SPAG16: variants seen among roughly 807,000 people sequenced by gnomAD.
SPAG16 encodes sperm-associated antigen 16 protein.
In SPAG16, 86 loss-of-function variants were observed where a neutral mutation model predicts 80.4. That is an observed-to-expected ratio of 1.07 (90% confidence interval 0.90 to 1.28). The LOEUF (loss-of-function observed/expected upper bound fraction) is 1.28, where lower values mean the gene tolerates loss of function less well. Among genes scored for constraint, SPAG16 ranks in the 50% most tolerant of loss-of-function variants. SPAG16 has a pLI of 0.00. For missense variants in SPAG16, 870 were observed against 765.3 expected (o/e 1.14, Z -1.61); for synonymous variants, 294 against 265.9 (o/e 1.11, Z -1.03).
At chr2:214,153,195 C>G (rs1392178293) in intron 15 of SPAG16, among the ~76,000 whole-genome samples, 1 of 152,036 alleles carries the variant, frequency 6.6e-6, no homozygotes. Context: ...GGTGTCTTCC[C>G]AGACGCTGGC....
At chr2:214,291,507 G>A (rs967964616) in intron 15 of SPAG16, among the ~76,000 whole-genome samples, 12 of 150,984 alleles carry the variant, frequency 7.9e-5, no homozygotes, top group Non-Finnish European at 1.3e-4. Flanking sequence ...GGGTTTCACC[G>A]TTTTAGCCGG....
chr2:214,295,625 T>G (rs534925038), intron 15 of SPAG16, among the ~76,000 whole-genome samples: 7 of 152,198 alleles, frequency 4.6e-5, no homozygotes, highest in Non-Finnish European at 1.0e-4. Flanking sequence ...ACCCCATCTC[T>G]ACTGAAAATG....
intron 10 of SPAG16, among the ~76,000 whole-genome samples, chr2:213,603,552 A>T (rs1230493386): frequency 2.0e-5 from 3 of 152,224 alleles, no homozygotes; most frequent in East Asian, 3.8e-4. Flanking sequence ...ACTAAAAGAG[A>T]TTTAAAACTT....
chr2:213,468,571 ATC>A (rs2072879205), intron 9 of SPAG16, among the ~76,000 whole-genome samples: 1 of 143,662 alleles, frequency 7.0e-6, no homozygotes, highest in Non-Finnish European at 1.5e-5. Context: ...AGATATATAT[ATC>A]TATGTATTTA....
At chr2:213,908,476 C>T (rs1307266629) in intron 11 of SPAG16, among the ~76,000 whole-genome samples, 2 of 152,180 alleles carry the variant, frequency 1.3e-5, no homozygotes, top group Non-Finnish European at 2.9e-5. Context: ...TTCTCTATTT[C>T]TTTCTTGGGT....
At chr2:214,046,726 A>G (rs1387456254) in intron 13 of SPAG16, among the ~76,000 whole-genome samples, 1 of 152,186 alleles carries the variant, frequency 6.6e-6, no homozygotes, top group Non-Finnish European at 1.5e-5. Context: ...AAATATCCAA[A>G]TTGGAAAGGA....
chr2:214,027,881 T>G (rs1359305097), intron 13 of SPAG16, among the ~76,000 whole-genome samples: 1 of 151,978 alleles, frequency 6.6e-6, no homozygotes, highest in African/African-American at 2.4e-5. Flanking sequence ...ACATTTTTTC[T>G]GTTTGTCTTG....
intron 10 of SPAG16, among the ~76,000 whole-genome samples, chr2:213,693,885 C>G (rs185250464): frequency 6.6e-6 from 1 of 152,230 alleles, no homozygotes; most frequent in East Asian, 1.9e-4. Context: ...AGGAAGCAGT[C>G]ACTACTTAGC....
intron 11 of SPAG16, 133 bp from the exon 12 acceptor site, chr2:213,929,827 C>T: frequency 1.4e-6 from 1 of 701,434 alleles, no homozygotes; most frequent in African/African-American, 1.8e-5. Flanking sequence ...AATATTTAGT[C>T]ATTTAGATAT....
chr2:214,399,184 ATAC>A (rs1701572002), intron 15 of SPAG16, among the ~76,000 whole-genome samples: 1 of 152,166 alleles, frequency 6.6e-6, no homozygotes, highest in Non-Finnish European at 1.5e-5. Flanking sequence ...ATTATACTAC[ATAC>A]TACATTTAAA....
At chr2:214,343,093 A>G (rs1576830786) in intron 15 of SPAG16, among the ~76,000 whole-genome samples, 1 of 152,350 alleles carries the variant, frequency 6.6e-6, no homozygotes, top group South Asian at 2.1e-4. Context: ...AGATACTGCC[A>G]AAAATGCCAT....
chr2:213,508,528 C>T (rs910392985), intron 10 of SPAG16, among the ~76,000 whole-genome samples: 11 of 152,130 alleles, frequency 7.2e-5, no homozygotes, highest in Admixed American at 3.9e-4. Flanking sequence ...GCCGAGATTG[C>T]GCCACTGCAG....
intron 10 of SPAG16, among the ~76,000 whole-genome samples, chr2:213,579,286 C>A (rs1329962687): frequency 6.6e-6 from 1 of 152,058 alleles, no homozygotes; most frequent in Non-Finnish European, 1.5e-5. Context: ...GGCTTGATTC[C>A]AAAGGGTGAT....
chr2:213,431,573 A>G (rs1311441711), intron 9 of SPAG16, among the ~76,000 whole-genome samples: 1 of 152,118 alleles, frequency 6.6e-6, no homozygotes, highest in Non-Finnish European at 1.5e-5. Context: ...CTAAATATAT[A>G]TGCACCAAAC....
intron 15 of SPAG16, among the ~76,000 whole-genome samples, chr2:214,206,765 G>A (rs933697508): frequency 6.6e-6 from 1 of 151,940 alleles, no homozygotes; most frequent in Non-Finnish European, 1.5e-5. Flanking sequence ...CTATTTCTCT[G>A]CATTCTCATC....
chr2:213,523,125 A>G lies in SPAG16; in HGVS notation c.1070+33035A>G, dbSNP rs2075747121. On this transcript the variant is annotated intron_variant, in intron 10 of 15. Transcript: ENST00000331683. ...ATAATCCTCACATGTCATGGGAGGG[A>G]CCCAGTGGGAGGTAATTGAATCATG... is the stretch of plus-strand genomic sequence containing the variant. Among the ~76,000 whole-genome samples the G allele has an allele frequency of 5.9e-5, 9 of 152,152 alleles. No individual in the cohort carries two copies. In the South Asian group the frequency reaches 1.9e-3, roughly 32 times the overall value.
At chr2:213,741,565 A>G (rs562006444) in intron 10 of SPAG16, among the ~76,000 whole-genome samples, 1 of 152,226 alleles carries the variant, frequency 6.6e-6, no homozygotes, top group Non-Finnish European at 1.5e-5. Flanking sequence ...ATATTAATCA[A>G]GTACAGATAA....
intron 10 of SPAG16, among the ~76,000 whole-genome samples, chr2:213,743,002 C>T (rs1190113219): frequency 6.6e-6 from 1 of 152,080 alleles, no homozygotes; most frequent in Admixed American, 6.5e-5. Flanking sequence ...CTCCCGCGTT[C>T]ACGCCATTCT....
chr2:214,019,384 C>T (rs2047744959), intron 13 of SPAG16, among the ~76,000 whole-genome samples: 2 of 152,046 alleles, frequency 1.3e-5, no homozygotes, highest in Admixed American at 6.6e-5. Context: ...TGGCAACAGT[C>T]AGAGTTGCTG....
Sources: gnomAD v4.1 joint callset for allele counts (sites outside exome capture counted in the v4.1 genomes callset) on GRCh38, gnomAD v4.1.1 for gene constraint, MANE v1.5 for transcripts, NCBI Gene and HGNC (gene_info 2026-07-23, HGNC 2026-07-21) for gene names.